The following SLIT2 variants were observed in gnomAD, a reference collection of about 807,000 sequenced individuals.
SLIT2 encodes slit guidance ligand 2.
SLIT2 carries 41 observed loss-of-function variants against 185.7 expected under a neutral mutation model. The ratio of observed to expected loss-of-function variants is 0.22; its 90% CI spans 0.17 to 0.29. The LOEUF is 0.29. Among genes scored for constraint, SLIT2 ranks in the 10% least tolerant of loss-of-function variants. SLIT2 has a pLI of 1.00. For missense variants in SLIT2, 1,571 were observed against 1,909.0 expected, an observed-to-expected ratio of 0.82 and a Z score of 3.30; for synonymous variants, 693 against 680.2, an observed-to-expected ratio of 1.02 and a Z score of -0.29.
chr4:20,573,226 G>A (rs766691631), intron 29 of SLIT2: 11 of 702,736 alleles, frequency 1.6e-5, no homozygotes, highest in South Asian at 7.4e-5. Context: ...TGTCTTTGTC[G>A]CTGCCAGCTG....
At chr4:20,396,013 A>G (rs1725857152) in intron 4 of SLIT2, among the ~76,000 whole-genome samples, 1 of 151,936 alleles carries the variant, frequency 6.6e-6, no homozygotes, top group South Asian at 2.1e-4. Flanking sequence ...TTAGTAGTAA[A>G]TATTTAAAAG....
intron 3 of SLIT2, among the ~76,000 whole-genome samples, chr4:20,263,335 T>G (rs1413565100): frequency 6.6e-6 from 1 of 151,834 alleles, no homozygotes. Context: ...TCAATATTGC[T>G]TTACGATAAT....
chr4:20,331,021 A>C (rs1182140927), intron 4 of SLIT2, among the ~76,000 whole-genome samples: 2 of 152,160 alleles, frequency 1.3e-5, no homozygotes, highest in African/African-American at 4.8e-5. Context: ...GTAGACAACT[A>C]AATTTCCGTA....
chr4:20,616,144 C>A (rs781082640), intron 34 of SLIT2: 2 of 152,060 alleles, frequency 1.3e-5, no homozygotes, highest in Non-Finnish European at 2.9e-5. Flanking sequence ...TCTTAATTAG[C>A]AAGAAAGAAA....
At chr4:20,569,029 C>A (rs769523141) in intron 29 of SLIT2, 25 bp downstream of exon 29, 1 of 1,603,706 alleles carries the variant, frequency 6.2e-7, no homozygotes, top group Non-Finnish European at 8.5e-7. Flanking sequence ...AAATATTTTG[C>A]CTTCCATCAG....
chr4:20,479,803 T>C (rs545004547), intron 5 of SLIT2, among the ~76,000 whole-genome samples: 1 of 152,292 alleles, frequency 6.6e-6, no homozygotes, highest in African/African-American at 2.4e-5. Flanking sequence ...AACAAATAAG[T>C]GCTTAAGATA....
At chr4:20,397,080 A>G (rs1033493875) in intron 4 of SLIT2, among the ~76,000 whole-genome samples, 1 of 151,782 alleles carries the variant, frequency 6.6e-6, no homozygotes, top group East Asian at 1.9e-4. Flanking sequence ...GGCTTGATGT[A>G]TGCATGAAGT....
At chr4:20,600,573 C>T (rs142309232) in intron 33 of SLIT2, among the ~76,000 whole-genome samples, 18 of 152,064 alleles carry the variant, frequency 1.2e-4, no homozygotes, top group African/African-American at 3.4e-4. Context: ...CGGGCACCCA[C>T]CACTATGCCT....
In SLIT2 at chr4:20,479,749, A is replaced by G. The variant is rs762818885; in HGVS notation, c.468-967A>G. Among the ~76,000 whole-genome samples the G allele has an allele frequency of 1.2e-4, 18 of 152,180 alleles. 1 individual carries two copies. Among genetic ancestry groups the G allele is most frequent in the Non-Finnish European group, 2.9e-5 (2 of 68,030 alleles). The stretch of plus-strand genomic sequence containing the variant: ...CTAGAACAAGCAGCAGGAAAAGCAG[A>G]CATAACCAAGTTTGGAGCATTCTTT... On this transcript the variant is annotated intron_variant, in intron 5 of 36. Coordinates refer to ENST00000504154, the MANE Select transcript of SLIT2 (RefSeq NM_004787.4).
At chr4:20,290,857 A>G (rs1394333306) in intron 4 of SLIT2, among the ~76,000 whole-genome samples, 1 of 151,042 alleles carries the variant, frequency 6.6e-6, no homozygotes, top group East Asian at 1.9e-4. Flanking sequence ...AATAACCTAT[A>G]TATCAGAAAA....
At chr4:20,606,821 C>T (rs1728828623) in intron 33 of SLIT2, among the ~76,000 whole-genome samples, 1 of 152,136 alleles carries the variant, frequency 6.6e-6, no homozygotes, top group South Asian at 2.1e-4. Context: ...TCAAGTTTTG[C>T]TATCATACAA....
chr4:20,390,254 A>C lies in SLIT2; in HGVS notation c.396-77498A>C, dbSNP rs532555642. On this transcript the variant is annotated intron_variant, in intron 4 of 36. Coordinates refer to ENST00000504154, the MANE Select transcript of SLIT2 (RefSeq NM_004787.4). ...GTCAGCTGTCTGATGGAAATGTAAA[A>C]TATTGTATATAAGTAATATACAAAA... Among the ~76,000 whole-genome samples the C allele has an allele frequency of 5.7e-4, 87 of 152,264 alleles. No homozygotes were observed. The South Asian group carries it at 0.015, about 25-fold the overall frequency.
intron 4 of SLIT2, among the ~76,000 whole-genome samples, chr4:20,355,765 C>T (rs550686946): frequency 3.8e-4 from 58 of 152,058 alleles, no homozygotes; most frequent in South Asian, 1.0e-3. Context: ...TGTAGAAGTA[C>T]GCAAGAAAGT....
chr4:20,328,533 A>G (rs1719784825), intron 4 of SLIT2, among the ~76,000 whole-genome samples: 1 of 152,084 alleles, frequency 6.6e-6, no homozygotes, highest in African/African-American at 2.4e-5. Context: ...GTCTTTATCT[A>G]GCTCTAATTG....
At chr4:20,443,521 A>G (rs560111156) in intron 4 of SLIT2, among the ~76,000 whole-genome samples, 1 of 149,772 alleles carries the variant, frequency 6.7e-6, no homozygotes, top group African/African-American at 2.5e-5. Context: ...TTCATTCATC[A>G]CAAGTTTATT....
intron 29 of SLIT2, among the ~76,000 whole-genome samples, chr4:20,583,549 C>T (rs1261307169): frequency 1.3e-5 from 2 of 152,224 alleles, no homozygotes; most frequent in Admixed American, 6.5e-5. Flanking sequence ...CAGTGGCTCA[C>T]GCCTGTAATC....
Position 20,541,615 on chromosome 4 carries a change from T to A in SLIT2, c.2139T>A (p.Asp713Glu). Residue 713 changes from aspartate (D) to glutamate (E), a missense_variant, in exon 20 of 37, where the codon GAT becomes GAA. Around this residue, in one of 3 missense-constraint regions of SLIT2, gnomAD observed 1,202 missense variants for 1,416.4 expected, o/e 0.85. Transcript: ENST00000504154. ...QDVAIQDFTC[D>E]DGNDDNSCSP... Reference sequence around the variant, plus strand: ...TGGCCATTCAGGACTTCACTTGTGATGACGGTAAGAAATACTTATCAACTC... The same window carrying A: ...TGGCCATTCAGGACTTCACTTGTGAAGACGGTAAGAAATACTTATCAACTC... 1 of 1,613,654 alleles carries A rather than the reference T, an allele frequency of 6.2e-7. No homozygotes were observed. Among genetic ancestry groups the A allele is most frequent in the South Asian group, 1.1e-5 (1 of 91,046 alleles).
chr4:20,356,360 G>T (rs1722322934), intron 4 of SLIT2, among the ~76,000 whole-genome samples: 1 of 152,102 alleles, frequency 6.6e-6, no homozygotes, highest in Non-Finnish European at 1.5e-5. Flanking sequence ...TAATTTTAGT[G>T]TGTTTCCATT....
intron 6 of SLIT2, among the ~76,000 whole-genome samples, chr4:20,481,049 T>A (rs186765678): frequency 6.6e-6 from 1 of 152,176 alleles, no homozygotes; most frequent in Non-Finnish European, 1.5e-5. Context: ...TTCATAGAAT[T>A]TGTCATTGCT....
Sources: gnomAD v4.1 joint callset for allele counts (sites outside exome capture counted in the v4.1 genomes callset) on GRCh38, gnomAD v4.1.1 for gene constraint, gnomAD v4.1.1 regional missense constraint, MANE v1.5 for transcripts, NCBI Gene and HGNC (gene_info 2026-07-23, HGNC 2026-07-21) for gene names.